The following DDX4 variants were observed in gnomAD, a reference collection of about 807,000 sequenced individuals.
DDX4 encodes DEAD-box helicase 4, also known as probable ATP-dependent RNA helicase DDX4.
DDX4 carries 25 observed loss-of-function variants against 100.0 expected under a neutral mutation model. The ratio of observed to expected loss-of-function variants is 0.25; its 90% CI spans 0.18 to 0.35. The LOEUF (loss-of-function observed/expected upper bound fraction) is 0.35. Ranked by LOEUF, DDX4 falls within the 10% of genes least tolerant of loss-of-function variation. The pLI, the probability that DDX4 is intolerant of heterozygous loss-of-function variation, is 1.00. For missense variants in DDX4, 635 were observed against 882.4 expected, an observed-to-expected ratio of 0.72 and a Z score of 3.55; for synonymous variants, 259 against 275.7, an observed-to-expected ratio of 0.94 and a Z score of 0.60.
chr5:55,784,543 G>A (rs1372635579), intron 10 of DDX4, among the ~76,000 whole-genome samples: 4 of 152,206 alleles, frequency 2.6e-5, no homozygotes, highest in African/African-American at 9.6e-5. Flanking sequence ...GCTAGCATCT[G>A]AAAACTTGGA....
At chr5:55,809,164 A>G (rs1743953300) in intron 18 of DDX4, among the ~76,000 whole-genome samples, 1 of 152,198 alleles carries the variant, frequency 6.6e-6, no homozygotes, top group Non-Finnish European at 1.5e-5. Flanking sequence ...GACCATTGGA[A>G]AAGTGCAGTA....
At chr5:55,743,911 C>CTTTTT (rs35808138) in intron 2 of DDX4, among the ~76,000 whole-genome samples, 1 of 113,470 alleles carries the variant, frequency 8.8e-6, no homozygotes, top group African/African-American at 3.2e-5. Context: ...TAAAACCAGC[C>CTTTTT]TTTTTTTTTT....
At chr5:55,812,403 TA>T (rs1744170405) in intron 18 of DDX4, among the ~76,000 whole-genome samples, 1 of 151,756 alleles carries the variant, frequency 6.6e-6, no homozygotes, top group African/African-American at 2.4e-5. Context: ...CTACTAAAAA[TA>T]CAAAAAAAAA....
At chr5:55,771,982 T>G (rs557634068) in intron 7 of DDX4, among the ~76,000 whole-genome samples, 1 of 152,120 alleles carries the variant, frequency 6.6e-6, no homozygotes, top group Non-Finnish European at 1.5e-5. Flanking sequence ...GCCAGCACTT[T>G]GGGAGGCGGG....
chr5:55,760,377 T>G, intron 4 of DDX4, 100 bp downstream of exon 4: 1 of 1,257,652 alleles, frequency 8.0e-7, no homozygotes, highest in South Asian at 1.9e-5. Flanking sequence ...CTGTTGTAAG[T>G]CAGTGTGTAG....
chr5:55,750,396 G>A (rs1759482154), intron 3 of DDX4: 1 of 153,392 alleles, frequency 6.5e-6, no homozygotes, highest in Non-Finnish European at 1.5e-5. Flanking sequence ...GGAATTCCTG[G>A]TCCCAAACAG....
intron 18 of DDX4, among the ~76,000 whole-genome samples, chr5:55,810,619 C>G (rs1257647607): frequency 6.6e-6 from 1 of 152,020 alleles, no homozygotes; most frequent in African/African-American, 2.4e-5. Context: ...AAAGTGTAGT[C>G]TTTTCTGGTT....
intron 17 of DDX4, among the ~76,000 whole-genome samples, chr5:55,796,203 CCTT>C (rs1372022012): frequency 3.9e-5 from 6 of 152,190 alleles, no homozygotes; most frequent in East Asian, 1.9e-4. Context: ...TGAGGGTGGG[CCTT>C]CTTCTCCCAG....
rs755215652 is a variant in DDX4, at chr5:55,798,528, G to A, written c.1572G>A (p.Gln524=). 6.2e-7 allele frequency: 1 copy of A among 1,609,828 alleles called. No homozygotes were observed. Among genetic ancestry groups the A allele is most frequent in the African/African-American group, 1.3e-5 (1 of 74,854 alleles). ...AGCAGACCGTTCTCCAAGTTGGCCA[G>A]TTCTCAAAAAGAGAAAAGCTCGTTG... ...DVQQTVLQVG[Q]FSKREKLVEI... Residue 524 remains glutamine, a synonymous_variant, in exon 18 of 22, where the codon CAG becomes CAA. Transcript: ENST00000505374.
chr5:55,739,021 A>G lies in DDX4; in HGVS notation c.58A>G (p.Ile20Val), dbSNP rs1021638624. The change falls in exon 2 of 22, where the codon ATA becomes GTA. Residue 20 changes from isoleucine to valine, a missense_variant. Around this residue, in one of 4 missense-constraint regions of DDX4, gnomAD observed 446 missense variants for 540.8 expected, o/e 0.82. Transcript: ENST00000505374. ...INPHMSSYVP[I>V]FEKDRYSGEN... ...CCCTCATATGTCTTCCTATGTTCCC[A>G]TATTTGAGAAGGTAATAACATTTAA... 3 of 1,584,890 alleles carry G rather than the reference A, an allele frequency of 1.9e-6. No individual in the cohort carries two copies. The highest frequency in any genetic ancestry group is 1.1e-5 in the South Asian group (1 of 89,956).
At chr5:55,812,502 T>A (rs890360716) in intron 18 of DDX4, among the ~76,000 whole-genome samples, 2 of 151,468 alleles carry the variant, frequency 1.3e-5, no homozygotes, top group African/African-American at 2.4e-5. Flanking sequence ...AGGCGGAGGT[T>A]GCAGTGAGCC....
chr5:55,759,963 A>G (rs1458320082), intron 3 of DDX4, among the ~76,000 whole-genome samples: 1 of 151,852 alleles, frequency 6.6e-6, no homozygotes, highest in African/African-American at 2.4e-5. Context: ...GAGGTTAAAA[A>G]TTGCTGTCTT....
intron 10 of DDX4, among the ~76,000 whole-genome samples, chr5:55,783,411 C>G (rs1742040321): frequency 6.6e-6 from 1 of 151,922 alleles, no homozygotes; most frequent in African/African-American, 2.4e-5. Context: ...ATCTCATTAG[C>G]TTTTGAATCT....
intron 6 of DDX4, among the ~76,000 whole-genome samples, 178 bp downstream of exon 6, chr5:55,764,242 A>G (rs1270241265): frequency 6.6e-6 from 1 of 152,196 alleles, no homozygotes; most frequent in African/African-American, 2.4e-5. Flanking sequence ...TAAAGAATTC[A>G]GGCATCCTAA....
chr5:55,754,945 T>C (rs1386887655), intron 3 of DDX4, among the ~76,000 whole-genome samples: 1 of 152,222 alleles, frequency 6.6e-6, no homozygotes, highest in Non-Finnish European at 1.5e-5. Flanking sequence ...TTCTAGATTT[T>C]CTAGTTTATT....
At chr5:55,791,186 A>G (rs1398188034) in intron 16 of DDX4, among the ~76,000 whole-genome samples, 1 of 152,210 alleles carries the variant, frequency 6.6e-6, no homozygotes, top group African/African-American at 2.4e-5. Flanking sequence ...AAATCTTTAA[A>G]AAGATTTTAG....
chr5:55,813,121 G>T (rs940787169), intron 18 of DDX4, among the ~76,000 whole-genome samples: 2 of 151,996 alleles, frequency 1.3e-5, no homozygotes, highest in African/African-American at 4.8e-5. Context: ...AACAAGTTAA[G>T]ACCCTGGGAT....
At chr5:55,773,830 C>G (rs1045804614) in intron 7 of DDX4, among the ~76,000 whole-genome samples, 1 of 151,904 alleles carries the variant, frequency 6.6e-6, no homozygotes, top group South Asian at 2.1e-4. Flanking sequence ...CACTACATTG[C>G]GCAGGCTGAT....
At chr5:55,808,561 T>C (rs1025718910) in intron 18 of DDX4, among the ~76,000 whole-genome samples, 6 of 152,252 alleles carry the variant, frequency 3.9e-5, no homozygotes, top group Non-Finnish European at 8.8e-5. Context: ...TGCAGGTCTG[T>C]TGGAGTTTGC....
Sources: allele counts gnomAD v4.1 joint callset (sites outside exome capture counted in the v4.1 genomes callset), GRCh38; gene constraint gnomAD v4.1.1; regional missense constraint gnomAD v4.1.1; transcripts MANE v1.5; gene names NCBI Gene and HGNC (gene_info 2026-07-23, HGNC 2026-07-21).